The following INSYN2B variants were observed in gnomAD, a reference collection of about 807,000 sequenced individuals.
INSYN2B encodes inhibitory synaptic factor family member 2B.
Under a neutral mutation model 41.2 loss-of-function variants are expected in INSYN2B, and 16 were observed. The ratio of observed to expected loss-of-function variants is 0.39; its 90% CI spans 0.26 to 0.59. INSYN2B has a LOEUF of 0.59. Ranked by LOEUF, INSYN2B falls within the 20% of genes least tolerant of loss-of-function variation. INSYN2B has a pLI of 0.57. For missense variants in INSYN2B, 608 were observed against 646.4 expected (o/e 0.94, Z 0.64); for synonymous variants, 245 against 244.4 (o/e 1.00, Z -0.02).
chr5:169,904,091 CAAAAAAAA>C (rs57983281), intron 1 of INSYN2B, among the ~76,000 whole-genome samples: 1 of 70,398 alleles, frequency 1.4e-5, no homozygotes, highest in African/African-American at 4.9e-5. Flanking sequence ...GACTTCGTCT[CAAAAAAAA>C]AAAAAAAAAA....
intron 1 of INSYN2B, among the ~76,000 whole-genome samples, chr5:169,941,768 A>T (rs982069875): frequency 6.6e-6 from 1 of 152,202 alleles, no homozygotes; most frequent in African/African-American, 2.4e-5. Context: ...ACCAGCAGAC[A>T]TCGAATACCA....
intron 3 of INSYN2B, among the ~76,000 whole-genome samples, chr5:169,878,421 C>A (rs1772452011): frequency 6.6e-6 from 1 of 152,122 alleles, no homozygotes; most frequent in Non-Finnish European, 1.5e-5. Context: ...GCATCAATTA[C>A]AAAAAGTATT....
At chr5:169,935,346 C>G (rs951168136) in intron 1 of INSYN2B, among the ~76,000 whole-genome samples, 2 of 151,972 alleles carry the variant, frequency 1.3e-5, no homozygotes, top group African/African-American at 4.8e-5. Flanking sequence ...CTGAATCTCA[C>G]TTGCGCCCTT....
At chr5:169,892,220 A>C (rs551735964) in intron 1 of INSYN2B, among the ~76,000 whole-genome samples, 2 of 152,108 alleles carry the variant, frequency 1.3e-5, no homozygotes, top group Non-Finnish European at 2.9e-5. Flanking sequence ...GACTCAAAGC[A>C]AACCTAAAAA....
intron 1 of INSYN2B, among the ~76,000 whole-genome samples, chr5:169,966,429 T>C (rs1054908752): frequency 6.6e-6 from 1 of 152,224 alleles, no homozygotes; most frequent in African/African-American, 2.4e-5. Context: ...TAACCATTTA[T>C]TGAGCACTTA....
intron 1 of INSYN2B, among the ~76,000 whole-genome samples, chr5:169,925,658 C>T (rs12657308): frequency 0.15 from 22,244 of 149,002 alleles, 1,878 homozygotes; most frequent in Admixed American, 0.26. Flanking sequence ...GGTTGTGTGA[C>T]CTGTGGGACT....
chr5:169,954,945 A>G (rs1249071551), intron 1 of INSYN2B, among the ~76,000 whole-genome samples: 2 of 152,218 alleles, frequency 1.3e-5, no homozygotes, highest in African/African-American at 2.4e-5. Context: ...AAAACCTAGC[A>G]GGGGCATTAG....
Position 169,942,472 on chromosome 5 carries a change from G to C in INSYN2B, c.-919+37805C>G, listed in dbSNP as rs187033054. Among the ~76,000 whole-genome samples, 4 of 152,284 alleles carry C rather than the reference G, an allele frequency of 2.6e-5. No individual in the cohort carries two copies. In the East Asian group the frequency reaches 7.7e-4, roughly 29 times the overall value. On this transcript the variant is annotated intron_variant, in intron 1 of 3. Transcript: ENST00000377365. ...CATGAGCCACACAGATGTTCAAGTG[G>C]GTTGTCTTGAGGTATTGGGAAATTA...
rs182124922 is a variant in INSYN2B at position 169,973,357 on chromosome 5, G to A, written c.-919+6920C>T. On this transcript the variant is annotated intron_variant, in intron 1 of 3. Coordinates refer to ENST00000377365, the MANE Select transcript of INSYN2B (RefSeq NM_001129891.3). The stretch of plus-strand genomic sequence containing the variant: ...CTCTACACATCTCCGGCTGATCACA[G>A]ACTGTTCCTGGTGAATCAGGAATGG... Among the ~76,000 whole-genome samples the A allele has an allele frequency of 2.6e-5, 4 of 152,268 alleles. No individual in the cohort carries two copies. The East Asian group carries it at 7.7e-4, about 29-fold the overall frequency.
Position 169,862,640 on chromosome 5 carries a change from A to G in INSYN2B, c.*1633T>C, listed in dbSNP as rs1050142078. Reference sequence around the variant, plus strand: ...CCGGTCTGATTCTGTGGGCTTAAACATTACACTAGAAACAGAACAAGAACA... The same window carrying G: ...CCGGTCTGATTCTGTGGGCTTAAACGTTACACTAGAAACAGAACAAGAACA... On this transcript the variant is annotated 3_prime_UTR_variant, in exon 4 of 4. Coordinates refer to ENST00000377365, the MANE Select transcript of INSYN2B (RefSeq NM_001129891.3). 1.3e-5 allele frequency among the ~76,000 whole-genome samples: 2 copies of G among 152,260 alleles called. No homozygotes were observed. Among genetic ancestry groups the G allele is most frequent in the African/African-American group, 2.4e-5 (1 of 41,470 alleles).
chr5:169,910,612 G>A (rs1198410072), intron 1 of INSYN2B, among the ~76,000 whole-genome samples: 5 of 152,132 alleles, frequency 3.3e-5, no homozygotes, highest in South Asian at 2.1e-4. Flanking sequence ...GAGTGAAAAC[G>A]ATATGTCATG....
At chr5:169,964,482 G>A (rs1243847195) in intron 1 of INSYN2B, among the ~76,000 whole-genome samples, 3 of 152,248 alleles carry the variant, frequency 2.0e-5, no homozygotes, top group African/African-American at 7.2e-5. Flanking sequence ...TGTCAGACAG[G>A]TGGCTCATGG....
intron 1 of INSYN2B, among the ~76,000 whole-genome samples, chr5:169,909,385 T>G (rs1774466027): frequency 1.3e-5 from 2 of 152,162 alleles, no homozygotes; most frequent in Admixed American, 6.5e-5. Context: ...CAGTGGGACA[T>G]AGAATATTTC....
intron 1 of INSYN2B, among the ~76,000 whole-genome samples, chr5:169,937,952 A>G (rs1215527214): frequency 1.3e-5 from 2 of 152,224 alleles, no homozygotes; most frequent in Admixed American, 1.3e-4. Context: ...GCAGTGTAAC[A>G]GGAGGTGGAC....
chr5:169,978,511 T>G (rs1435791301), intron 1 of INSYN2B, among the ~76,000 whole-genome samples: 1 of 151,902 alleles, frequency 6.6e-6, no homozygotes, highest in Non-Finnish European at 1.5e-5. Flanking sequence ...TGATGATGAA[T>G]TTTTTAATGC....
chr5:169,919,646 C>T (rs928472096), intron 1 of INSYN2B, among the ~76,000 whole-genome samples: 4 of 152,112 alleles, frequency 2.6e-5, no homozygotes, highest in Admixed American at 6.5e-5. Context: ...TGACAGTTAT[C>T]GTGGGGTCTT....
chr5:169,873,512 G>A (rs1297444170), intron 3 of INSYN2B, among the ~76,000 whole-genome samples: 1 of 152,222 alleles, frequency 6.6e-6, no homozygotes, highest in Non-Finnish European at 1.5e-5. Context: ...GATATGCTGT[G>A]TGCCTTTATC....
intron 1 of INSYN2B, among the ~76,000 whole-genome samples, chr5:169,917,456 A>G (rs1444246056): frequency 2.0e-5 from 3 of 152,184 alleles, no homozygotes; most frequent in African/African-American, 7.2e-5. Flanking sequence ...GTGCTTTTTA[A>G]TTACTGTGAC....
intron 1 of INSYN2B, among the ~76,000 whole-genome samples, chr5:169,924,281 A>G (rs958435971): frequency 6.6e-6 from 1 of 152,180 alleles, no homozygotes; most frequent in Non-Finnish European, 1.5e-5. Context: ...AAGAGACATC[A>G]AGCTTCAAAC....
Sources: allele counts gnomAD v4.1 joint callset (sites outside exome capture counted in the v4.1 genomes callset), GRCh38; gene constraint gnomAD v4.1.1; transcripts MANE v1.5; gene names NCBI Gene and HGNC (gene_info 2026-07-23, HGNC 2026-07-21).